Variants in RALYL observed in about 807,000 individuals in gnomAD.
The protein encoded by RALYL is RNA-binding Raly-like protein.
RALYL carries 29 observed loss-of-function variants against 35.1 expected under a neutral mutation model. The observed-to-expected ratio is 0.83, with a 90% confidence interval of 0.61 to 1.13. The LOEUF (loss-of-function observed/expected upper bound fraction) is 1.13. RALYL is among the 50% of genes most tolerant of loss of function. The probability of loss-of-function intolerance (pLI) is 0.00; values close to 1 mark genes in which losing one functional copy is unlikely to be tolerated. For synonymous variants in RALYL, 120 were observed against 127.6 expected, an observed-to-expected ratio of 0.94 and a Z score of 0.40; for missense variants, 359 against 360.4, an observed-to-expected ratio of 1.00 and a Z score of 0.03.
intron 1 of RALYL, among the ~76,000 whole-genome samples, chr8:84,450,673 T>G (rs1361403515): frequency 6.6e-6 from 1 of 152,012 alleles, no homozygotes; most frequent in Non-Finnish European, 1.5e-5. Context: ...TTCTTGCATT[T>G]TTTTCTACTT....
chr8:84,789,668 G>A (rs758438063), intron 3 of RALYL, among the ~76,000 whole-genome samples: 1 of 152,056 alleles, frequency 6.6e-6, no homozygotes, highest in Non-Finnish European at 1.5e-5. Context: ...GACCAGCTTG[G>A]GCAACATGGT....
intron 2 of RALYL, among the ~76,000 whole-genome samples, chr8:84,715,037 A>G (rs987095322): frequency 1.3e-5 from 2 of 152,008 alleles, no homozygotes; most frequent in African/African-American, 4.8e-5. Flanking sequence ...TTCAAGTGAC[A>G]TATCAGAGCT....
intron 1 of RALYL, chr8:84,184,858 G>T: frequency 1.0e-6 from 1 of 994,122 alleles, no homozygotes; most frequent in Non-Finnish European, 1.6e-6. Context: ...GAGCACCCGG[G>T]AGATGGGGGT....
intron 1 of RALYL, among the ~76,000 whole-genome samples, chr8:84,427,558 C>T (rs2132593908): frequency 6.6e-6 from 1 of 152,224 alleles, no homozygotes. Context: ...AAAAACCTTT[C>T]AAGATCTGTT....
At position 84,526,977 on chromosome 8, in the gene RALYL, C is replaced by T. The variant is rs535833687; in HGVS notation, c.-23-2322C>T. Among the ~76,000 whole-genome samples the T allele has an allele frequency of 1.4e-4, 21 of 152,216 alleles. 2 individuals are homozygous for T. In the South Asian group the frequency reaches 3.9e-3, roughly 29 times the overall value. The stretch of plus-strand genomic sequence containing the variant: ...GTTAATTTAGTCACTGTTACTCCAT[C>T]GTGGCTGAAAGTGGAAGTCTTTCTT... On this transcript the variant is annotated intron_variant, in intron 1 of 8. Transcript: ENST00000521268.
chr8:84,595,322 A>G (rs763040078), intron 2 of RALYL, among the ~76,000 whole-genome samples: 1 of 152,070 alleles, frequency 6.6e-6, no homozygotes, highest in African/African-American at 2.4e-5. Flanking sequence ...TTGGAATGTG[A>G]TTTACTTAGA....
At chr8:84,615,641 T>A (rs1424578718) in intron 2 of RALYL, among the ~76,000 whole-genome samples, 1 of 139,030 alleles carries the variant, frequency 7.2e-6, no homozygotes, top group African/African-American at 2.7e-5. Context: ...CATGTGCACA[T>A]TGTGCAGCTT....
chr8:84,824,684 A>C (rs1829273499), intron 4 of RALYL, among the ~76,000 whole-genome samples: 1 of 152,160 alleles, frequency 6.6e-6, no homozygotes, highest in Non-Finnish European at 1.5e-5. Flanking sequence ...CATGGAACAG[A>C]ATGGAGAACC....
At chr8:84,852,671 C>A (rs1836112416) in intron 5 of RALYL, among the ~76,000 whole-genome samples, 1 of 152,132 alleles carries the variant, frequency 6.6e-6, no homozygotes, top group Non-Finnish European at 1.5e-5. Context: ...GTAGGAGACC[C>A]AAGTTCTGGT....
At chr8:84,448,310 C>T (rs2049069961) in intron 1 of RALYL, among the ~76,000 whole-genome samples, 1 of 151,958 alleles carries the variant, frequency 6.6e-6, no homozygotes, top group East Asian at 1.9e-4. Context: ...AGCCATATAA[C>T]GTTGTGCCTG....
chr8:84,306,171 A>C (rs1002610918), intron 1 of RALYL, among the ~76,000 whole-genome samples: 1 of 152,048 alleles, frequency 6.6e-6, no homozygotes, highest in African/African-American at 2.4e-5. Context: ...CTAAAAAAAA[A>C]AAAAACGAAA....
At chr8:84,359,036 C>G (rs1182778844) in intron 1 of RALYL, among the ~76,000 whole-genome samples, 1 of 151,754 alleles carries the variant, frequency 6.6e-6, no homozygotes, top group Non-Finnish European at 1.5e-5. Context: ...TATTTATGAA[C>G]CTGGTAATGA....
At chr8:84,659,526 C>T (rs1830530644) in intron 2 of RALYL, among the ~76,000 whole-genome samples, 1 of 151,630 alleles carries the variant, frequency 6.6e-6, no homozygotes, top group Non-Finnish European at 1.5e-5. Context: ...CTGCTGAGGC[C>T]CGCTCTTCCT....
chr8:84,609,644 A>G (rs1817859447), intron 2 of RALYL, among the ~76,000 whole-genome samples: 2 of 152,224 alleles, frequency 1.3e-5, no homozygotes, highest in Non-Finnish European at 2.9e-5. Flanking sequence ...AATTGAGCAG[A>G]CACTGCAGAG....
At chr8:84,533,958 T>C (rs111329952) in intron 2 of RALYL, among the ~76,000 whole-genome samples, 16 of 152,234 alleles carry the variant, frequency 1.1e-4, no homozygotes, top group Non-Finnish European at 7.3e-5. Context: ...TGTCTTTTCA[T>C]CCCCAACTGT....
intron 2 of RALYL, among the ~76,000 whole-genome samples, chr8:84,717,663 T>A (rs1187295393): frequency 6.6e-6 from 1 of 152,180 alleles, no homozygotes; most frequent in Non-Finnish European, 1.5e-5. Flanking sequence ...TGTAATCACA[T>A]CAGTTATGAT....
At chr8:84,776,899 A>G (rs1180677516) in intron 3 of RALYL, among the ~76,000 whole-genome samples, 2 of 152,212 alleles carry the variant, frequency 1.3e-5, no homozygotes, top group Non-Finnish European at 2.9e-5. Flanking sequence ...GTGCTTATTT[A>G]TCCTCCTTTT....
intron 1 of RALYL, among the ~76,000 whole-genome samples, chr8:84,295,417 C>A (rs1839575786): frequency 6.6e-6 from 1 of 152,116 alleles, no homozygotes. Context: ...TAAGAGCAAA[C>A]TCATGTTTAT....
chr8:84,508,013 C>A (rs1045292001), intron 1 of RALYL, among the ~76,000 whole-genome samples: 3 of 152,052 alleles, frequency 2.0e-5, no homozygotes, highest in African/African-American at 7.2e-5. Context: ...CACTTGTTAA[C>A]TTGATGCATT....
Sources: gnomAD v4.1 joint callset for allele counts (sites outside exome capture counted in the v4.1 genomes callset) on GRCh38, gnomAD v4.1.1 for gene constraint, MANE v1.5 for transcripts, NCBI Gene and HGNC (gene_info 2026-07-23, HGNC 2026-07-21) for gene names.